TMX4: variants seen among roughly 807,000 people sequenced by gnomAD.
TMX4 encodes thioredoxin-related transmembrane protein 4.
In TMX4, 23 loss-of-function variants were observed where a neutral mutation model predicts 33.3. The ratio of observed to expected loss-of-function variants is 0.69; its 90% CI spans 0.50 to 0.98. The LOEUF is 0.98. Among genes scored for constraint, TMX4 ranks in the 50% least tolerant of loss-of-function variants. The pLI is 0.00. For synonymous variants in TMX4, 164 were observed against 161.5 expected (o/e 1.02, Z -0.12); for missense variants, 399 against 448.9 (o/e 0.89, Z 1.01).
In TMX4 at chr20:7,977,858, G is replaced by C. The variant is rs772090763; in HGVS notation, c.*4393C>G. 7.2e-5 allele frequency: 11 copies of C among 152,202 alleles called. No homozygotes were observed. The highest frequency in any genetic ancestry group is 1.5e-4 in the Non-Finnish European group (10 of 68,040). 9.4% of individuals were successfully genotyped at this position (152,202 alleles called of 1,614,324 possible). On this transcript the variant is annotated 3_prime_UTR_variant, in exon 8 of 8. Transcript: ENST00000246024. Reference sequence around the variant, plus strand: ...TATACAGTGTCACAGTCTACATAAAGCTTTACTGAGAATAAGCCATCTGAA... The same window carrying C: ...TATACAGTGTCACAGTCTACATAAACCTTTACTGAGAATAAGCCATCTGAA...
intron 6 of TMX4, among the ~76,000 whole-genome samples, chr20:7,984,575 T>G (rs528228281): frequency 2.0e-4 from 30 of 152,334 alleles, no homozygotes; most frequent in Admixed American, 1.7e-3. Context: ...TTTAATGTGA[T>G]AGTTATATGC....
intron 2 of TMX4, among the ~76,000 whole-genome samples, chr20:8,003,833 C>G (rs998174089): frequency 6.6e-6 from 1 of 152,116 alleles, no homozygotes; most frequent in South Asian, 2.1e-4. Flanking sequence ...TTTACAAGGC[C>G]ATCAATTAAG....
rs1270205682 is a variant in TMX4, at chr20:7,977,635, A to G, written c.*4616T>C. On this transcript the variant is annotated 3_prime_UTR_variant, in exon 8 of 8. Coordinates refer to ENST00000246024, the MANE Select transcript of TMX4 (RefSeq NM_021156.4). ...CAATTGCTGCAGATGCTATTTGAGG[A>G]AGCAAAGAATACAGAAAGAAAAATA... The G allele has an allele frequency of 3.9e-5, 6 of 152,256 alleles. No homozygotes were observed. Among genetic ancestry groups the G allele is most frequent in the Admixed American group, 3.9e-4 (6 of 15,286 alleles). 9.4% of individuals were successfully genotyped at this position (152,256 alleles called of 1,614,324 possible).
intron 6 of TMX4, among the ~76,000 whole-genome samples, chr20:7,986,811 C>G (rs1002985201): frequency 2.6e-5 from 4 of 152,100 alleles, no homozygotes; most frequent in Non-Finnish European, 5.9e-5. Flanking sequence ...CATTATCTAT[C>G]TCAGGAAAAC....
At position 8,003,457 on chromosome 20, in the gene TMX4, C is replaced by T. The variant is rs532353484; in HGVS notation, c.293-1916G>A. Among the ~76,000 whole-genome samples the T allele has an allele frequency of 2.6e-5, 4 of 152,086 alleles. No homozygotes were observed. In the South Asian group the frequency reaches 8.3e-4, roughly 32 times the overall value. ...CTCTTTTGTATGTTCTTAGTCATCACTGGCTATGACAATAAATAAAGAAGT... is the reference window on the plus strand; with the variant it reads ...CTCTTTTGTATGTTCTTAGTCATCATTGGCTATGACAATAAATAAAGAAGT... On this transcript the variant is annotated intron_variant, in intron 2 of 7. Transcript: ENST00000246024.
chr20:8,019,397 G>C lies in TMX4; in HGVS notation c.176+41C>G, dbSNP rs892139652. ...GCGCGGGCTTGGGAGGGTGACGCCCGCGAGGACACTGCGGCGTCCGGGGCG... is the reference window on the plus strand; with the variant it reads ...GCGCGGGCTTGGGAGGGTGACGCCCCCGAGGACACTGCGGCGTCCGGGGCG... On this transcript the variant is annotated intron_variant, in intron 1 of 7. Transcript: ENST00000246024. 6 of 1,505,478 alleles carry C rather than the reference G, an allele frequency of 4.0e-6. No individual in the cohort carries two copies. In the South Asian group the frequency reaches 7.5e-5, roughly 19 times the overall value. 93.3% of individuals were successfully genotyped at this position (1,505,478 alleles called of 1,614,324 possible).
intron 4 of TMX4, among the ~76,000 whole-genome samples, chr20:7,997,731 A>T (rs1261457908): frequency 6.6e-6 from 1 of 152,256 alleles, no homozygotes; most frequent in Non-Finnish European, 1.5e-5. Flanking sequence ...GCGACTGGCC[A>T]AAAAGGCACC....
At chr20:8,007,318 A>C (rs1041201638) in intron 2 of TMX4, among the ~76,000 whole-genome samples, 4 of 152,052 alleles carry the variant, frequency 2.6e-5, no homozygotes, top group Non-Finnish European at 5.9e-5. Flanking sequence ...AATCCATCAG[A>C]AAATCCTAGT....
chr20:8,003,198 C>A (rs1303743155), intron 2 of TMX4, among the ~76,000 whole-genome samples: 2 of 152,180 alleles, frequency 1.3e-5, no homozygotes, highest in Non-Finnish European at 2.9e-5. Flanking sequence ...CAGCTTCATA[C>A]ATTACTTCTT....
At chr20:8,003,939 T>A (rs1232888345) in intron 2 of TMX4, among the ~76,000 whole-genome samples, 1 of 152,128 alleles carries the variant, frequency 6.6e-6, no homozygotes, top group Non-Finnish European at 1.5e-5. Context: ...ATGTGGAATA[T>A]TAACAATGAG....
rs1339277414 is a variant in TMX4 at position 7,999,794 on chromosome 20, G to A, written c.405C>T (p.Ile135=). The A allele has an allele frequency of 2.5e-6, 4 of 1,613,626 alleles. No individual in the cohort carries two copies. The highest frequency in any genetic ancestry group is 3.4e-6 in the Non-Finnish European group (4 of 1,179,858). Residue 135 remains isoleucine, a synonymous_variant, in exon 4 of 8, where the codon ATC becomes ATT. Coordinates refer to ENST00000246024, the MANE Select transcript of TMX4 (RefSeq NM_021156.4). ...PGIFEDLQNY[I]LEKKWQSVEP... is the part of the protein sequence containing the mutation. ...CGACTGATTGCCATTTCTTCTCTAA[G>A]ATATAATTCTGCAGGTCTTCGAAGA... is the stretch of plus-strand genomic sequence containing the variant.
intron 5 of TMX4, among the ~76,000 whole-genome samples, chr20:7,988,132 T>C (rs1406180633): frequency 6.6e-6 from 1 of 152,206 alleles, no homozygotes. Flanking sequence ...AGTCAAAACC[T>C]ACTTAGATGT....
intron 1 of TMX4, among the ~76,000 whole-genome samples, chr20:8,011,730 C>T (rs2050753992): frequency 6.6e-6 from 1 of 152,072 alleles, no homozygotes; most frequent in Non-Finnish European, 1.5e-5. Context: ...CCAGAAGCAG[C>T]AAGACTTAGC....
At chr20:8,018,821 T>A (rs899835476) in intron 1 of TMX4, 5 of 252,652 alleles carry the variant, frequency 2.0e-5, no homozygotes, top group African/African-American at 1.2e-4. Context: ...GTATCAACAT[T>A]TATTTGAAAT....
At chr20:7,992,331 A>T (rs1381819413) in intron 5 of TMX4, among the ~76,000 whole-genome samples, 1 of 152,194 alleles carries the variant, frequency 6.6e-6, no homozygotes, top group African/African-American at 2.4e-5. Flanking sequence ...ACAGCTAATG[A>T]GGTAATTACT....
intron 5 of TMX4, among the ~76,000 whole-genome samples, chr20:7,991,477 A>G (rs374654934): frequency 6.6e-6 from 1 of 152,202 alleles, no homozygotes; most frequent in East Asian, 1.9e-4. Flanking sequence ...CACAAATCCA[A>G]AAATCGGAAA....
chr20:8,013,561 C>T (rs867670246), intron 1 of TMX4, among the ~76,000 whole-genome samples: 3 of 152,130 alleles, frequency 2.0e-5, no homozygotes, highest in Admixed American at 6.5e-5. Flanking sequence ...TTGTTGTCCA[C>T]GTTTTTTGTT....
At position 8,019,422 on chromosome 20, in the gene TMX4, G is replaced by A. The variant is rs778052192; in HGVS notation, c.176+16C>T. The A allele has an allele frequency of 2.0e-6, 3 of 1,513,150 alleles. No individual in the cohort carries two copies. Among genetic ancestry groups the A allele is most frequent in the African/African-American group, 2.9e-5 (2 of 68,796 alleles). 93.7% of individuals were successfully genotyped at this position (1,513,150 alleles called of 1,614,324 possible). A position where few individuals can be genotyped will look rare whatever the true frequency, so the allele number is the denominator to read the frequency against. ...GCGAGGACACTGCGGCGTCCGGGGC[G>A]GGCGGGCACACTCACAATTTCAGCA... On this transcript the variant is annotated intron_variant, in intron 1 of 7. Transcript: ENST00000246024.
intron 1 of TMX4, among the ~76,000 whole-genome samples, chr20:8,013,106 T>C (rs926552795): frequency 2.6e-5 from 4 of 152,190 alleles, no homozygotes; most frequent in African/African-American, 9.7e-5. Flanking sequence ...GGATCAGTCA[T>C]GTGACCTTCA....
Sources: allele counts gnomAD v4.1 joint callset (sites outside exome capture counted in the v4.1 genomes callset), GRCh38; gene constraint gnomAD v4.1.1; transcripts MANE v1.5; gene names NCBI Gene and HGNC (gene_info 2026-07-23, HGNC 2026-07-21).